The following DAPK3 variants were observed in gnomAD, a reference collection of about 807,000 sequenced individuals.
The protein encoded by DAPK3 is death associated protein kinase 3.
A neutral mutation model predicts 30.6 loss-of-function variants in DAPK3; 24 were observed. That is an observed-to-expected ratio of 0.78 (90% CI 0.57 to 1.10). The LOEUF (loss-of-function observed/expected upper bound fraction) is 1.10, where lower values mean the gene tolerates loss of function less well. Among genes scored for constraint, DAPK3 ranks in the 50% least tolerant of loss-of-function variants. DAPK3 has a pLI of 0.00. For missense variants in DAPK3, 629 were observed against 657.3 expected, an observed-to-expected ratio of 0.96 and a Z score of 0.47; for synonymous variants, 341 against 284.0, an observed-to-expected ratio of 1.20 and a Z score of -2.02.
chr19:3,960,875 G>C, intron 7 of DAPK3, 134 bp downstream of exon 7: 2 of 825,366 alleles, frequency 2.4e-6, no homozygotes, highest in Non-Finnish European at 1.9e-6. Context: ...ACTCTCTCCA[G>C]CCCAAGGGGT....
chr19:3,960,188 A>G, intron 7 of DAPK3, 84 bp from the exon 8 acceptor site: 2 of 767,390 alleles, frequency 2.6e-6, no homozygotes, highest in Non-Finnish European at 4.6e-6. Flanking sequence ...GACCCCCAAA[A>G]GCCCTAAAGT....
chr19:3,964,896 CGGCTGG>C lies in DAPK3; in HGVS notation c.152_157del (p.Ser51_Arg53delinsTrp). On this transcript the variant is annotated inframe_deletion, in exon 3 of 9. Coordinates refer to ENST00000545797, the MANE Select transcript of DAPK3 (RefSeq NM_001348.3). ...GATCTCCTCCCGGCTCACCCCACGC[CGGCTGG>C]ATGACAGGCGGCGCTTCTTGATGAA... 1 of 1,612,530 alleles carries C rather than the reference CGGCTGG, an allele frequency of 6.2e-7. No individual in the cohort carries two copies.
intron 2 of DAPK3, among the ~76,000 whole-genome samples, chr19:3,966,515 C>T (rs1342849834): frequency 3.9e-5 from 6 of 152,190 alleles, no homozygotes; most frequent in Non-Finnish European, 8.8e-5. Flanking sequence ...GCGGCAGGGG[C>T]CACCACGTAG....
intron 6 of DAPK3, 71 bp downstream of exon 6, chr19:3,963,572 T>G: frequency 2.0e-6 from 2 of 1,000,332 alleles, no homozygotes; most frequent in Non-Finnish European, 3.0e-6. Context: ...GGCGTCCACA[T>G]GAGACACACG....
intron 6 of DAPK3, among the ~76,000 whole-genome samples, chr19:3,963,240 G>A (rs2039537524): frequency 6.6e-6 from 1 of 152,144 alleles, no homozygotes; most frequent in African/African-American, 2.4e-5. Flanking sequence ...ACTCCAGCCT[G>A]GGCAAGAGAG....
At chr19:3,970,729 C>T (rs570366093) in intron 1 of DAPK3, 192 bp downstream of exon 1, 1 of 152,776 alleles carries the variant, frequency 6.5e-6, no homozygotes, top group Non-Finnish European at 1.5e-5. Context: ...TCCTCTGCCC[C>T]TTCTCGCCCG....
At chr19:3,961,365 G>A (rs368728349) in intron 6 of DAPK3, 103 of 714,918 alleles carry the variant, frequency 1.4e-4, no homozygotes, top group Admixed American at 6.2e-4. Flanking sequence ...CCCCCACCCC[G>A]CCACTGACAG....
intron 2 of DAPK3, among the ~76,000 whole-genome samples, chr19:3,969,198 C>T (rs144670862): frequency 2.6e-5 from 4 of 152,114 alleles, no homozygotes; most frequent in East Asian, 3.9e-4. Context: ...TGCAGTGGCA[C>T]GATCATAGCT....
At chr19:3,969,403 C>G (rs916693660) in intron 2 of DAPK3, among the ~76,000 whole-genome samples, 1 of 152,166 alleles carries the variant, frequency 6.6e-6, no homozygotes, top group East Asian at 1.9e-4. Context: ...GCATCTGTTG[C>G]TCTGGTGCCC....
rs1568188709 is a variant in DAPK3, at chr19:3,958,714, G to A, written c.*387C>T. 3 of 356,954 alleles carry A rather than the reference G, an allele frequency of 8.4e-6. No homozygotes were observed. Among genetic ancestry groups the A allele is most frequent in the Non-Finnish European group, 1.1e-5 (2 of 182,154 alleles). The allele number at this position is 356,954 out of a possible 1,614,324, so 22.1% of individuals were successfully genotyped here. A position where few individuals can be genotyped will look rare whatever the true frequency, so the allele number is the denominator to read the frequency against. ...CCTGGGCTAATGGCAGCAACAGGCA[G>A]CACCCCGCCGAATTGTCCGTGCAAC... On this transcript the variant is annotated 3_prime_UTR_variant, in exon 9 of 9. Transcript: ENST00000545797.
intron 8 of DAPK3, 122 bp from the exon 9 acceptor site, chr19:3,959,759 G>A (rs1007690816): frequency 6.9e-6 from 8 of 1,159,408 alleles, no homozygotes; most frequent in Admixed American, 5.6e-5. Context: ...GCCTCGTGAC[G>A]GAGACTGCCC....
At chr19:3,962,815 A>T (rs2039533093) in intron 6 of DAPK3, among the ~76,000 whole-genome samples, 1 of 125,806 alleles carries the variant, frequency 7.9e-6, no homozygotes, top group Non-Finnish European at 1.7e-5. Context: ...AAAAAAAATT[A>T]GCCAGCTGGG....
chr19:3,964,062 C>T (rs945694906), intron 4 of DAPK3, 143 bp from the exon 5 acceptor site: 78 of 803,854 alleles, frequency 9.7e-5, no homozygotes, highest in Middle Eastern at 2.3e-4. Flanking sequence ...CAGGGCCTGA[C>T]GGGTAGGACA....
intron 6 of DAPK3, among the ~76,000 whole-genome samples, chr19:3,962,190 G>A (rs557106732): frequency 2.9e-4 from 44 of 152,294 alleles, no homozygotes; most frequent in African/African-American, 9.6e-4. Context: ...GTAGCACCAA[G>A]GCTAACGTCT....
intron 5 of DAPK3, 25 bp from the exon 6 acceptor site, chr19:3,963,694 T>C: frequency 3.9e-6 from 6 of 1,528,454 alleles, no homozygotes; most frequent in Non-Finnish European, 5.3e-6. Flanking sequence ...GAGGCAAGGG[T>C]CAGCGCAGCG....
At chr19:3,968,890 CCTAGTGGTGCCTGG>C (rs2039606557) in intron 2 of DAPK3, among the ~76,000 whole-genome samples, 1 of 152,190 alleles carries the variant, frequency 6.6e-6, no homozygotes, top group South Asian at 2.1e-4. Context: ...GGAGGCAGGG[CCTAGTGGTGCCTGG>C]CTAGTCTGGA....
At chr19:3,968,417 A>G (rs2010751) in intron 2 of DAPK3, among the ~76,000 whole-genome samples, 33,486 of 151,762 alleles carry the variant, frequency 0.22, 4,088 homozygotes, top group African/African-American at 0.32. Flanking sequence ...CGAGGCTGCA[A>G]TGAGTCGAGA....
chr19:3,959,997 C>CG (rs2039487389), intron 8 of DAPK3, 62 bp downstream of exon 8: 5 of 935,660 alleles, frequency 5.3e-6, no homozygotes, highest in South Asian at 1.3e-5. Flanking sequence ...GAAGGCCCCC[C>CG]GGGACCCCAG....
intron 6 of DAPK3, 33 bp from the exon 7 acceptor site, chr19:3,961,194 C>G: frequency 6.3e-7 from 1 of 1,591,542 alleles, no homozygotes; most frequent in South Asian, 1.1e-5. Flanking sequence ...CAGTGGGGTC[C>G]TGGGCTCCCA....
Sources: allele counts gnomAD v4.1 joint callset (sites outside exome capture counted in the v4.1 genomes callset), GRCh38; gene constraint gnomAD v4.1.1; transcripts MANE v1.5; gene names NCBI Gene and HGNC (gene_info 2026-07-23, HGNC 2026-07-21).